The following FHOD3 variants were observed in gnomAD, a reference collection of about 807,000 sequenced individuals.
The protein encoded by FHOD3 is FH1/FH2 domain-containing protein 3.
FHOD3 carries 90 observed loss-of-function variants against 173.0 expected under a neutral mutation model. The ratio of observed to expected loss-of-function variants is 0.52; its 90% CI spans 0.44 to 0.62. The LOEUF is 0.62. Ranked by LOEUF, FHOD3 falls within the 20% of genes least tolerant of loss-of-function variation. The probability of loss-of-function intolerance (pLI) is 0.00; values close to 1 mark genes in which losing one functional copy is unlikely to be tolerated. For missense variants in FHOD3, 1,945 were observed against 2,034.7 expected, an observed-to-expected ratio of 0.96 and a Z score of 0.85; for synonymous variants, 828 against 823.0, an observed-to-expected ratio of 1.01 and a Z score of -0.10.
At chr18:36,548,820 A>G (rs551792028) in intron 5 of FHOD3, among the ~76,000 whole-genome samples, 19 of 152,322 alleles carry the variant, frequency 1.2e-4, no homozygotes, top group African/African-American at 4.6e-4. Flanking sequence ...TTCTTTATCC[A>G]TACATGTTTT....
chr18:36,766,656 G>A (rs757455852), intron 27 of FHOD3, among the ~76,000 whole-genome samples: 1 of 152,224 alleles, frequency 6.6e-6, no homozygotes, highest in Non-Finnish European at 1.5e-5. Flanking sequence ...CAGGAATGAA[G>A]TCGTGAGAGA....
At chr18:36,680,826 C>T (rs1422069699) in intron 14 of FHOD3, among the ~76,000 whole-genome samples, 1 of 152,148 alleles carries the variant, frequency 6.6e-6, no homozygotes. Context: ...CATCTCATTG[C>T]CTTGTTCAAT....
rs114934944 is a variant in FHOD3, at chr18:36,347,765, C to G, written c.166-7774C>G. Among the ~76,000 whole-genome samples the G allele has an allele frequency of 3.7e-3, 562 of 152,278 alleles. 3 individuals carry two copies. Among genetic ancestry groups the G allele is most frequent in the African/African-American group, 0.013 (528 of 41,548 alleles). On this transcript the variant is annotated intron_variant, in intron 1 of 28. Coordinates refer to ENST00000590592, the MANE Select transcript of FHOD3 (RefSeq NM_001281740.3). ...GGGGTTAGCCAATAGGAACTACTTT[C>G]TTCTGATATCATGTGAATTGATTTC...
chr18:36,336,464 C>G (rs1415702000), intron 1 of FHOD3, among the ~76,000 whole-genome samples: 2 of 152,164 alleles, frequency 1.3e-5, no homozygotes, highest in East Asian at 3.9e-4. Context: ...TCTGTGAATT[C>G]ACATTTCACA....
chr18:36,611,889 G>A, intron 8 of FHOD3, 63 bp from the exon 9 acceptor site: 1 of 1,514,454 alleles, frequency 6.6e-7, no homozygotes, highest in Non-Finnish European at 8.9e-7. Context: ...ATTGGAAAAT[G>A]CCCTGAGAGC....
intron 19 of FHOD3, among the ~76,000 whole-genome samples, chr18:36,728,361 C>T (rs1050830480): frequency 1.3e-5 from 2 of 152,196 alleles, no homozygotes; most frequent in African/African-American, 4.8e-5. Context: ...GCATTCCACA[C>T]ACAACATAAA....
chr18:36,469,389 A>G (rs879325277), intron 3 of FHOD3, among the ~76,000 whole-genome samples: 5 of 152,188 alleles, frequency 3.3e-5, no homozygotes, highest in Non-Finnish European at 5.9e-5. Context: ...TGCCCACTGC[A>G]GTGTAGACAG....
At chr18:36,522,319 G>A (rs1001488273) in intron 5 of FHOD3, among the ~76,000 whole-genome samples, 16 of 152,300 alleles carry the variant, frequency 1.1e-4, no homozygotes, top group African/African-American at 2.2e-4. Flanking sequence ...TTGGAGAGCC[G>A]GAATTTGCTT....
At chr18:36,728,094 A>G (rs1249337988) in intron 19 of FHOD3, among the ~76,000 whole-genome samples, 5 of 152,216 alleles carry the variant, frequency 3.3e-5, no homozygotes, top group African/African-American at 1.2e-4. Flanking sequence ...TCAGGAAAAC[A>G]AAAGCCAGAA....
intron 5 of FHOD3, 118 bp downstream of exon 5, chr18:36,512,661 A>G: frequency 2.8e-6 from 2 of 717,864 alleles, no homozygotes; most frequent in Non-Finnish European, 4.8e-6. Context: ...GTAAGGTGGT[A>G]AAGACACCCT....
intron 3 of FHOD3, among the ~76,000 whole-genome samples, chr18:36,373,509 T>C (rs2047292345): frequency 6.6e-6 from 1 of 152,186 alleles, no homozygotes; most frequent in African/African-American, 2.4e-5. Context: ...TCTGCTTCCC[T>C]ATTGGAGACC....
intron 1 of FHOD3, among the ~76,000 whole-genome samples, chr18:36,316,657 C>G (rs2044140688): frequency 6.6e-6 from 1 of 152,194 alleles, no homozygotes; most frequent in Non-Finnish European, 1.5e-5. Flanking sequence ...ATAAGGCAAA[C>G]TGTAAGAGCC....
intron 3 of FHOD3, among the ~76,000 whole-genome samples, chr18:36,398,645 A>G (rs1015143406): frequency 5.3e-5 from 8 of 152,160 alleles, no homozygotes; most frequent in African/African-American, 1.7e-4. Context: ...TGCCTGCTGT[A>G]TGGTTGGTGC....
chr18:36,533,748 C>A (rs1434215058), intron 5 of FHOD3, among the ~76,000 whole-genome samples: 1 of 152,146 alleles, frequency 6.6e-6, no homozygotes, highest in Non-Finnish European at 1.5e-5. Flanking sequence ...GCTGACACAT[C>A]AGGAGGTAAG....
intron 12 of FHOD3, 52 bp from the exon 13 acceptor site, chr18:36,653,290 C>T: frequency 7.3e-7 from 1 of 1,373,474 alleles, no homozygotes; most frequent in Non-Finnish European, 9.9e-7. Flanking sequence ...TATCAAAGTC[C>T]TTTGCTATCT....
chr18:36,554,121 G>A (rs1036621543), intron 5 of FHOD3, among the ~76,000 whole-genome samples: 2 of 152,094 alleles, frequency 1.3e-5, no homozygotes, highest in Non-Finnish European at 2.9e-5. Flanking sequence ...ATTTGACCCA[G>A]CCATCCCACT....
chr18:36,593,002 A>G (rs2148328508), intron 6 of FHOD3, among the ~76,000 whole-genome samples: 1 of 152,226 alleles, frequency 6.6e-6, no homozygotes, highest in Admixed American at 6.5e-5. Context: ...AAGAGAGAGG[A>G]GGAGAGTAAA....
At chr18:36,723,830 G>A (rs2040915210) in intron 19 of FHOD3, among the ~76,000 whole-genome samples, 1 of 152,154 alleles carries the variant, frequency 6.6e-6, no homozygotes, top group Admixed American at 6.5e-5. Flanking sequence ...AATGCAAAGG[G>A]GCAATATGAT....
intron 1 of FHOD3, among the ~76,000 whole-genome samples, chr18:36,320,466 A>C (rs1446827455): frequency 6.6e-6 from 1 of 152,228 alleles, no homozygotes; most frequent in Non-Finnish European, 1.5e-5. Context: ...GACCAATAAC[A>C]GGCTCTGAAA....
Sources: allele counts gnomAD v4.1 joint callset (sites outside exome capture counted in the v4.1 genomes callset), GRCh38; gene constraint gnomAD v4.1.1; transcripts MANE v1.5; gene names NCBI Gene and HGNC (gene_info 2026-07-23, HGNC 2026-07-21).